INO80: variants seen among roughly 807,000 people sequenced by gnomAD.
INO80 encodes chromatin-remodeling ATPase INO80.
Under a neutral mutation model 203.4 loss-of-function variants are expected in INO80, and 20 were observed. The ratio of observed to expected loss-of-function variants is 0.10; its 90% CI spans 0.07 to 0.14. INO80 has a LOEUF of 0.14. INO80 is among the 10% of genes least tolerant of loss of function. The probability of loss-of-function intolerance (pLI) is 1.00; values close to 1 mark genes in which losing one functional copy is unlikely to be tolerated. For synonymous variants in INO80, 726 were observed against 685.2 expected (o/e 1.06, Z -0.93); for missense variants, 1,419 against 1,914.4 (o/e 0.74, Z 4.83).
At chr15:41,089,182 T>C (rs1402562476) in intron 5 of INO80, among the ~76,000 whole-genome samples, 1 of 151,862 alleles carries the variant, frequency 6.6e-6, no homozygotes, top group Non-Finnish European at 1.5e-5. Context: ...AGAGCCTCCA[T>C]CTCAAAAAAT....
intron 28 of INO80, among the ~76,000 whole-genome samples, chr15:40,999,021 A>ACACACACACACAC (rs1566904799): frequency 1.2e-5 from 1 of 86,860 alleles, no homozygotes; most frequent in Admixed American, 1.0e-4. Context: ...CACACACACA[A>ACACACACACACAC]ATAAGGGCTC....
chr15:41,019,952 T>A (rs1395615486), intron 26 of INO80, among the ~76,000 whole-genome samples: 1 of 152,220 alleles, frequency 6.6e-6, no homozygotes, highest in Non-Finnish European at 1.5e-5. Context: ...CCGGGCGCGG[T>A]GGCTCACGCC....
intron 1 of INO80, among the ~76,000 whole-genome samples, chr15:41,111,535 T>C (rs1449899316): frequency 6.6e-6 from 1 of 152,190 alleles, no homozygotes; most frequent in Non-Finnish European, 1.5e-5. Flanking sequence ...GGCCACACAG[T>C]GGCTCACACC....
chr15:41,050,193 T>C (rs2044845631), intron 19 of INO80, 91 bp from the exon 20 acceptor site: 1 of 811,892 alleles, frequency 1.2e-6, no homozygotes. Flanking sequence ...ACAAACCATA[T>C]TATGATTGAG....
intron 24 of INO80, among the ~76,000 whole-genome samples, chr15:41,033,032 TCAACAA>T: frequency 2.0e-5 from 3 of 152,210 alleles, no homozygotes; most frequent in East Asian, 3.9e-4. Context: ...AGACTCCGTC[TCAACAA>T]CAACAACAAA....
chr15:41,072,151 T>C, intron 11 of INO80, 93 bp from the exon 12 acceptor site: 1 of 789,446 alleles, frequency 1.3e-6, no homozygotes, highest in East Asian at 2.8e-5. Context: ...ATCTACCCTG[T>C]GCTAAGAAAA....
intron 1 of INO80, among the ~76,000 whole-genome samples, chr15:41,114,140 G>C (rs936975509): frequency 6.6e-6 from 1 of 151,894 alleles, no homozygotes; most frequent in Non-Finnish European, 1.5e-5. Flanking sequence ...GGTGGCGGGC[G>C]CCTGTAATAC....
intron 1 of INO80, among the ~76,000 whole-genome samples, chr15:41,110,008 T>C (rs2045936316): frequency 1.3e-5 from 2 of 150,090 alleles, no homozygotes; most frequent in East Asian, 2.0e-4. Flanking sequence ...GGCAGGAGAA[T>C]TGCTTGAGCC....
chr15:41,062,561 T>C (rs1299941673), intron 14 of INO80, among the ~76,000 whole-genome samples: 1 of 152,038 alleles, frequency 6.6e-6, no homozygotes, highest in Non-Finnish European at 1.5e-5. Context: ...ATAAAATAAA[T>C]ACATGACTAG....
At chr15:41,079,984 C>T in intron 8 of INO80, 80 bp from the exon 9 acceptor site, 1 of 1,215,144 alleles carries the variant, frequency 8.2e-7, no homozygotes, top group South Asian at 1.2e-5. Context: ...CCACATCATT[C>T]CTCAATCTGT....
chr15:41,065,439 A>G (rs2140573752), intron 14 of INO80, among the ~76,000 whole-genome samples: 1 of 151,716 alleles, frequency 6.6e-6, no homozygotes, highest in African/African-American at 2.4e-5. Flanking sequence ...TGTGTCATAA[A>G]ACAAAAAACA....
intron 4 of INO80, 47 bp from the exon 5 acceptor site, chr15:41,092,229 C>T: frequency 6.8e-7 from 1 of 1,475,350 alleles, no homozygotes. Context: ...TGAAGCAATC[C>T]CATTTATAAT....
intron 14 of INO80, among the ~76,000 whole-genome samples, chr15:41,062,207 T>C (rs1456388355): frequency 6.6e-6 from 1 of 152,208 alleles, no homozygotes; most frequent in East Asian, 1.9e-4. Context: ...AGTCCAAGTA[T>C]ACCGAAGTCT....
chr15:40,982,723 C>A (rs1211419374), intron 35 of INO80, 139 bp downstream of exon 35: 2 of 677,994 alleles, frequency 2.9e-6, no homozygotes, highest in Admixed American at 2.6e-5. Context: ...GTGCTTATTA[C>A]AAAGAAGAAG....
At position 40,983,862 on chromosome 15, in the gene INO80, G is replaced by A; in HGVS notation, c.4137C>T (p.Asp1379=). 6.2e-7 allele frequency: 1 copy of A among 1,613,364 alleles called. No individual in the cohort carries two copies. The highest frequency in any genetic ancestry group is 8.5e-7 in the Non-Finnish European group (1 of 1,179,848). The change falls in exon 34 of 36, where the codon GAC becomes GAT. Residue 1379 remains aspartate (D), a synonymous_variant. Coordinates refer to ENST00000648947, the MANE Select transcript of INO80 (RefSeq NM_017553.3). ...CTGGGTCATCCACAATGACCAGCAT[G>A]TCACTGCTGCTCTCGTCCAGGGGAA... is the stretch of plus-strand genomic sequence containing the variant. The part of the protein sequence containing the change: ...GSIPLDESSS[D]MLVIVDDPAS...
chr15:40,985,304 T>A (rs370760244), intron 32 of INO80, 34 bp downstream of exon 32: 7 of 1,522,858 alleles, frequency 4.6e-6, no homozygotes, highest in Non-Finnish European at 6.4e-6. Flanking sequence ...CCAGGCCCCA[T>A]TAGCCCCTAT....
intron 14 of INO80, among the ~76,000 whole-genome samples, chr15:41,063,689 T>C (rs1268433292): frequency 6.6e-6 from 1 of 151,946 alleles, no homozygotes; most frequent in Non-Finnish European, 1.5e-5. Flanking sequence ...CAGAATTGCT[T>C]GAACCCTGGA....
Position 40,980,276 on chromosome 15 carries a change from C to G in INO80, c.4618G>C (p.Asp1540His), listed in dbSNP as rs1287275018. ...NLHMTSSLAP[D>H]SLVRKQGKGT... Reference sequence around the variant, plus strand: ...TTGCCCTGTTTCCGGACCAGAGAGTCTGGGGCTAGGCTGCTGGTCATGTGG... The same window carrying G: ...TTGCCCTGTTTCCGGACCAGAGAGTGTGGGGCTAGGCTGCTGGTCATGTGG... The change falls in exon 36 of 36, where the codon GAC becomes CAC. Residue 1540 changes from aspartate to histidine, a missense_variant. This residue lies in a region of INO80 where 112 missense variants were observed against 106.2 expected (regional missense o/e 1.05). Transcript: ENST00000648947. 1.2e-6 allele frequency: 2 copies of G among 1,613,524 alleles called. No homozygotes were observed. The highest frequency in any genetic ancestry group is 1.7e-6 in the Non-Finnish European group (2 of 1,180,054).
At position 41,005,637 on chromosome 15, in the gene INO80, G is replaced by A; in HGVS notation, c.3453C>T (p.Ser1151=). ...KHTYMRLDGS[S]KISERRDMVA... ...CCATGTCTCGCCTCTCCGAGATCTTGGATGAGCCATCAAGCCTCATGTAGG... is the reference window on the plus strand; with the variant it reads ...CCATGTCTCGCCTCTCCGAGATCTTAGATGAGCCATCAAGCCTCATGTAGG... Residue 1151 remains serine, a synonymous_variant, in exon 28 of 36, where the codon TCC becomes TCT. Coordinates refer to ENST00000648947, the MANE Select transcript of INO80 (RefSeq NM_017553.3). 2 of 1,610,004 alleles carry A rather than the reference G, an allele frequency of 1.2e-6. No homozygotes were observed. The highest frequency in any genetic ancestry group is 1.7e-6 in the Non-Finnish European group (2 of 1,176,792).
Sources: allele counts gnomAD v4.1 joint callset (sites outside exome capture counted in the v4.1 genomes callset), GRCh38; gene constraint gnomAD v4.1.1; regional missense constraint gnomAD v4.1.1; transcripts MANE v1.5; gene names NCBI Gene and HGNC (gene_info 2026-07-23, HGNC 2026-07-21).